The following DPP10 variants were observed in gnomAD, a reference collection of about 807,000 sequenced individuals.
DPP10 encodes the protein dipeptidyl peptidase like 10.
Under a neutral mutation model 120.9 loss-of-function variants are expected in DPP10, and 33 were observed. The observed-to-expected ratio is 0.27, with a 90% CI of 0.21 to 0.37. The LOEUF (loss-of-function observed/expected upper bound fraction) is 0.37, where lower values mean the gene tolerates loss of function less well. Among genes scored for constraint, DPP10 ranks in the 10% least tolerant of loss-of-function variants. The probability of loss-of-function intolerance (pLI) is 1.00; values close to 1 mark genes in which losing one functional copy is unlikely to be tolerated. For synonymous variants in DPP10, 337 were observed against 326.1 expected, an observed-to-expected ratio of 1.03 and a Z score of -0.36; for missense variants, 816 against 942.8, an observed-to-expected ratio of 0.87 and a Z score of 1.76.
intron 1 of DPP10, among the ~76,000 whole-genome samples, chr2:115,253,921 C>T (rs2058861585): frequency 6.6e-6 from 1 of 152,256 alleles, no homozygotes; most frequent in Admixed American, 6.5e-5. Flanking sequence ...TTCCCTTCTG[C>T]ACTTCCCTGG....
intron 1 of DPP10, among the ~76,000 whole-genome samples, chr2:114,471,872 A>T (rs1679947631): frequency 6.6e-6 from 1 of 152,362 alleles, no homozygotes; most frequent in Admixed American, 6.5e-5. Flanking sequence ...ATTTAGTACT[A>T]TCAAGAGGCT....
At chr2:115,456,440 C>T (rs1374737569) in intron 3 of DPP10, among the ~76,000 whole-genome samples, 2 of 152,070 alleles carry the variant, frequency 1.3e-5, no homozygotes, top group African/African-American at 2.4e-5. Flanking sequence ...TACCATTTGA[C>T]CCAGCAATCC....
At chr2:115,403,123 A>C (rs1466945341) in intron 3 of DPP10, among the ~76,000 whole-genome samples, 1 of 151,556 alleles carries the variant, frequency 6.6e-6, no homozygotes. Flanking sequence ...TATGCAGATC[A>C]ATAAATGTGA....
At chr2:114,825,971 C>CT (rs1265210015) in intron 1 of DPP10, among the ~76,000 whole-genome samples, 1 of 152,234 alleles carries the variant, frequency 6.6e-6, no homozygotes, top group East Asian at 1.9e-4. Flanking sequence ...AGAAGTTACT[C>CT]TTTTTGCCAA....
intron 1 of DPP10, among the ~76,000 whole-genome samples, chr2:114,521,247 C>T: frequency 8.6e-6 from 1 of 116,704 alleles, no homozygotes; most frequent in African/African-American, 3.4e-5. Context: ...CTCTCACATG[C>T]ACAGACACAC....
chr2:115,720,320 T>C (rs995175384), intron 7 of DPP10, among the ~76,000 whole-genome samples: 1 of 152,144 alleles, frequency 6.6e-6, no homozygotes, highest in Non-Finnish European at 1.5e-5. Flanking sequence ...AAATAAGCAC[T>C]TTTCATTTAT....
intron 3 of DPP10, among the ~76,000 whole-genome samples, chr2:115,477,223 A>T (rs538310769): frequency 6.6e-6 from 1 of 152,262 alleles, no homozygotes; most frequent in South Asian, 2.1e-4. Flanking sequence ...AAGAGGTAAA[A>T]TTACTTCTGT....
At chr2:115,294,347 G>A (rs189053545) in intron 1 of DPP10, among the ~76,000 whole-genome samples, 2 of 152,164 alleles carry the variant, frequency 1.3e-5, no homozygotes, top group African/African-American at 4.8e-5. Flanking sequence ...TGCATATCAG[G>A]CTTCGTTAAC....
chr2:115,468,161 C>A, intron 3 of DPP10: 1 of 494,448 alleles, frequency 2.0e-6, no homozygotes, highest in Non-Finnish European at 4.0e-6. Context: ...CTAAATGGAT[C>A]AGTACATCTG....
At chr2:114,473,100 T>A (rs1248068458) in intron 1 of DPP10, among the ~76,000 whole-genome samples, 1 of 152,226 alleles carries the variant, frequency 6.6e-6, no homozygotes, top group Non-Finnish European at 1.5e-5. Flanking sequence ...TATTATCATT[T>A]TTTTTCTCCT....
chr2:114,757,281 TG>T (rs1679854296), intron 1 of DPP10, among the ~76,000 whole-genome samples: 2 of 103,868 alleles, frequency 1.9e-5, no homozygotes, highest in African/African-American at 7.9e-5. Context: ...AAGGAAAGAA[TG>T]GGGGCGAGAG....
chr2:115,746,032 C>G (rs1677925143), intron 9 of DPP10, 54 bp from the exon 10 acceptor site: 2 of 1,255,984 alleles, frequency 1.6e-6, no homozygotes, highest in African/African-American at 3.1e-5. Flanking sequence ...TCTTTTTTAC[C>G]CAATATATTC....
intron 1 of DPP10, among the ~76,000 whole-genome samples, chr2:115,147,185 A>T (rs1322918789): frequency 6.6e-6 from 1 of 151,354 alleles, no homozygotes. Context: ...GTGTGTGTAT[A>T]TATATAGTAT....
intron 19 of DPP10, among the ~76,000 whole-genome samples, chr2:115,810,117 G>A (rs1686466056): frequency 6.7e-6 from 1 of 150,202 alleles, no homozygotes; most frequent in Non-Finnish European, 1.5e-5. Flanking sequence ...AGCCGAGATC[G>A]CACCACTGCA....
chr2:114,948,560 A>G (rs540704627), intron 1 of DPP10, among the ~76,000 whole-genome samples: 6 of 152,256 alleles, frequency 3.9e-5, no homozygotes, highest in African/African-American at 1.4e-4. Context: ...AATTTTAAAT[A>G]ATTAAACATT....
chr2:115,202,674 G>T (rs1290094812), intron 1 of DPP10, among the ~76,000 whole-genome samples: 1 of 152,172 alleles, frequency 6.6e-6, no homozygotes, highest in Non-Finnish European at 1.5e-5. Flanking sequence ...GAGCAGCACT[G>T]TCCAATAGCA....
chr2:114,621,284 T>G (rs1209888287), intron 1 of DPP10, among the ~76,000 whole-genome samples: 2 of 152,114 alleles, frequency 1.3e-5, no homozygotes, highest in East Asian at 3.9e-4. Context: ...ATAATTCTAT[T>G]TATGCTTCTC....
At chr2:115,627,346 T>C (rs997342063) in intron 5 of DPP10, among the ~76,000 whole-genome samples, 2 of 152,000 alleles carry the variant, frequency 1.3e-5, no homozygotes, top group African/African-American at 4.8e-5. Context: ...TACATATATA[T>C]ACTCTCAGCT....
intron 5 of DPP10, among the ~76,000 whole-genome samples, chr2:115,634,845 C>CG (rs1402143281): frequency 1.3e-5 from 2 of 152,172 alleles, no homozygotes; most frequent in East Asian, 3.9e-4. Context: ...GCGAAGACTG[C>CG]GGCCACCCCT....
Sources: gnomAD v4.1 joint callset for allele counts (sites outside exome capture counted in the v4.1 genomes callset) on GRCh38, gnomAD v4.1.1 for gene constraint, MANE v1.5 for transcripts, NCBI Gene and HGNC (gene_info 2026-07-23, HGNC 2026-07-21) for gene names.